The following TCF12 variants were observed in gnomAD, a reference collection of about 807,000 sequenced individuals.
TCF12 encodes DNA-binding protein HTF4.
In TCF12, 45 loss-of-function variants were observed where a neutral mutation model predicts 86.0. The observed-to-expected ratio is 0.52, with a 90% CI of 0.41 to 0.67. TCF12 has a LOEUF of 0.67. Ranked by LOEUF, TCF12 falls within the 30% of genes least tolerant of loss-of-function variation. The pLI, the probability that TCF12 is intolerant of heterozygous loss-of-function variation, is 0.00. For synonymous variants in TCF12, 330 were observed against 299.6 expected (o/e 1.10, Z -1.05); for missense variants, 881 against 859.9 (o/e 1.02, Z -0.31).
At chr15:57,139,383 C>T (rs1270385739) in intron 5 of TCF12, among the ~76,000 whole-genome samples, 4 of 152,094 alleles carry the variant, frequency 2.6e-5, no homozygotes, top group Non-Finnish European at 5.9e-5. Flanking sequence ...AATCATCATA[C>T]ATATAACTAG....
chr15:57,045,810 T>G (rs1308021143), intron 3 of TCF12, among the ~76,000 whole-genome samples: 1 of 152,088 alleles, frequency 6.6e-6, no homozygotes, highest in Non-Finnish European at 1.5e-5. Flanking sequence ...CCTCCCAAAG[T>G]GCTGGGATTA....
At chr15:57,121,512 A>T (rs1315942986) in intron 5 of TCF12, among the ~76,000 whole-genome samples, 2 of 152,220 alleles carry the variant, frequency 1.3e-5, no homozygotes, top group African/African-American at 4.8e-5. Context: ...TTAACGCCTT[A>T]TGAAGTGGCT....
chr15:57,058,845 A>G (rs1596331651), intron 3 of TCF12, among the ~76,000 whole-genome samples: 2 of 152,190 alleles, frequency 1.3e-5, no homozygotes, highest in East Asian at 1.9e-4. Flanking sequence ...GATTTATTTC[A>G]TGAGTGTCTA....
intron 3 of TCF12, among the ~76,000 whole-genome samples, chr15:56,946,561 C>T (rs2061005618): frequency 6.6e-6 from 1 of 152,044 alleles, no homozygotes; most frequent in Non-Finnish European, 1.5e-5. Context: ...GGGCCTATTT[C>T]TACTGACAGA....
At chr15:57,122,355 C>T (rs1310097851) in intron 5 of TCF12, among the ~76,000 whole-genome samples, 2 of 152,058 alleles carry the variant, frequency 1.3e-5, no homozygotes, top group African/African-American at 2.4e-5. Context: ...AAAAACAAAA[C>T]AGAAAGACAA....
intron 15 of TCF12, 81 bp from the exon 16 acceptor site, chr15:57,253,181 T>A (rs1445090947): frequency 1.4e-6 from 2 of 1,477,482 alleles, no homozygotes; most frequent in African/African-American, 2.8e-5. Context: ...CTTCCACATA[T>A]CACATAGTAG....
At chr15:57,023,934 T>C (rs1297864993) in intron 3 of TCF12, among the ~76,000 whole-genome samples, 5 of 152,152 alleles carry the variant, frequency 3.3e-5, no homozygotes, top group Admixed American at 3.3e-4. Flanking sequence ...ATCCCTTGCA[T>C]AGTTCACAAC....
chr15:57,086,565 A>C (rs1360324278), intron 4 of TCF12, among the ~76,000 whole-genome samples: 1 of 152,102 alleles, frequency 6.6e-6, no homozygotes, highest in African/African-American at 2.4e-5. Context: ...GGCAGTTTTA[A>C]TAAGTAGGAG....
At chr15:57,072,871 T>G (rs2069527181) in intron 4 of TCF12, among the ~76,000 whole-genome samples, 1 of 152,208 alleles carries the variant, frequency 6.6e-6, no homozygotes, top group Non-Finnish European at 1.5e-5. Context: ...AGTAAAATGT[T>G]TTTACTCTTA....
intron 4 of TCF12, among the ~76,000 whole-genome samples, chr15:57,076,570 G>A (rs989735018): frequency 6.6e-6 from 1 of 151,246 alleles, no homozygotes; most frequent in Non-Finnish European, 1.5e-5. Context: ...GGAGAATAGC[G>A]TGAACCCAGG....
chr15:57,272,990 T>G (rs1474293581), intron 18 of TCF12, 40 bp from the exon 19 acceptor site: 1 of 1,577,094 alleles, frequency 6.3e-7, no homozygotes, highest in Non-Finnish European at 8.7e-7. Flanking sequence ...TCTTACTTTA[T>G]AGGAAACCTA....
intron 3 of TCF12, among the ~76,000 whole-genome samples, chr15:57,019,142 T>C (rs949639167): frequency 3.3e-5 from 5 of 152,240 alleles, no homozygotes; most frequent in East Asian, 3.8e-4. Context: ...TCTAATACTT[T>C]GGTAGCCAGC....
chr15:56,947,293 T>G (rs2566841), intron 3 of TCF12, among the ~76,000 whole-genome samples: 1,919 of 152,150 alleles, frequency 0.013, 45 homozygotes, highest in African/African-American at 0.044. Context: ...ATTGTGGAGT[T>G]TTACTGTGTG....
At chr15:57,147,654 G>T (rs1322642594) in intron 5 of TCF12, among the ~76,000 whole-genome samples, 2 of 152,078 alleles carry the variant, frequency 1.3e-5, no homozygotes, top group Admixed American at 1.3e-4. Flanking sequence ...AATGGAAAGA[G>T]ACAGTCACAG....
At chr15:56,950,549 A>G (rs544019049) in intron 3 of TCF12, among the ~76,000 whole-genome samples, 1 of 152,126 alleles carries the variant, frequency 6.6e-6, no homozygotes, top group South Asian at 2.1e-4. Context: ...TTTTAAATAA[A>G]TAAATCACAC....
chr15:57,147,495 C>CT (rs2053438561), intron 5 of TCF12, among the ~76,000 whole-genome samples: 1 of 151,746 alleles, frequency 6.6e-6, no homozygotes, highest in Admixed American at 6.6e-5. Context: ...GCATTTTATA[C>CT]TTTTTTTAAA....
chr15:57,172,944 TAAAA>T (rs113797415), intron 6 of TCF12, among the ~76,000 whole-genome samples: 2 of 137,182 alleles, frequency 1.5e-5, no homozygotes, highest in South Asian at 4.7e-4. Flanking sequence ...CTATTAAAAT[TAAAA>T]AAAAAAAAAA....
chr15:57,219,971 C>T (rs1395186876), intron 8 of TCF12, among the ~76,000 whole-genome samples: 1 of 152,060 alleles, frequency 6.6e-6, no homozygotes, highest in Non-Finnish European at 1.5e-5. Flanking sequence ...GGTGATCCAC[C>T]CGCCTCGGCC....
chr15:57,236,119 T>C (rs2059370193), intron 12 of TCF12, among the ~76,000 whole-genome samples: 1 of 152,192 alleles, frequency 6.6e-6, no homozygotes, highest in South Asian at 2.1e-4. Context: ...AAATCATTTC[T>C]GTCATAGCTG....
Sources: allele counts gnomAD v4.1 joint callset (sites outside exome capture counted in the v4.1 genomes callset), GRCh38; gene constraint gnomAD v4.1.1; transcripts MANE v1.5; gene names NCBI Gene and HGNC (gene_info 2026-07-23, HGNC 2026-07-21).